The following KANK1 variants were observed in gnomAD, a reference collection of about 807,000 sequenced individuals.
KANK1 encodes the protein KN motif and ankyrin repeat domain-containing protein 1.
Under a neutral mutation model 106.2 loss-of-function variants are expected in KANK1, and 109 were observed. That is an observed-to-expected ratio of 1.03 (90% confidence interval 0.88 to 1.20). KANK1 has a LOEUF of 1.20. Ranked by LOEUF, KANK1 falls within the 50% of genes most tolerant of loss-of-function variation. The pLI, the probability that KANK1 is intolerant of heterozygous loss-of-function variation, is 0.00. For synonymous variants in KANK1, 873 were observed against 652.2 expected (o/e 1.34, Z -5.16); for missense variants, 2,399 against 1,710.7 (o/e 1.40, Z -7.10).
At chr9:496,291 C>T (rs748362183) in intron 3 of KANK1, among the ~76,000 whole-genome samples, 1 of 152,170 alleles carries the variant, frequency 6.6e-6, no homozygotes, top group Admixed American at 6.5e-5. Flanking sequence ...CAATGACTCA[C>T]GCATGTAATC....
chr9:544,221 A>T (rs967233560), intron 1 of KANK1, among the ~76,000 whole-genome samples: 1 of 151,768 alleles, frequency 6.6e-6, no homozygotes, highest in Non-Finnish European at 1.5e-5. Flanking sequence ...GGGTTTTGCC[A>T]TGTTGCCCAG....
Position 565,754 on chromosome 9 carries a change from C to G in KANK1, c.-84+61000C>G, listed in dbSNP as rs1817646308. Among the ~76,000 whole-genome samples the G allele has an allele frequency of 2.0e-5, 3 of 152,218 alleles. No homozygotes were observed. The South Asian group carries it at 6.2e-4, about 32-fold the overall frequency. On this transcript the variant is annotated intron_variant, in intron 1 of 11. Coordinates refer to ENST00000382297, the MANE Select transcript of KANK1 (RefSeq NM_015158.5). ...CAGTCTGAAAAGACATCTCAAAAGG[C>G]CAATCTTAGGTTCCGCAAGAGTGAT...
At chr9:549,874 C>G (rs1324800678) in intron 1 of KANK1, among the ~76,000 whole-genome samples, 2 of 152,010 alleles carry the variant, frequency 1.3e-5, no homozygotes, top group Non-Finnish European at 2.9e-5. Flanking sequence ...CCTCTAGCTT[C>G]CAGAGGGTAA....
At chr9:580,818 G>T (rs1480401343) in intron 1 of KANK1, among the ~76,000 whole-genome samples, 1 of 152,236 alleles carries the variant, frequency 6.6e-6, no homozygotes, top group Non-Finnish European at 1.5e-5. Context: ...CCGCGGAGCA[G>T]GGGGCGGTGC....
At chr9:745,062 G>T in intron 11 of KANK1, 111 bp from the exon 12 acceptor site, 3 of 1,531,870 alleles carry the variant, frequency 2.0e-6, no homozygotes, top group Non-Finnish European at 1.8e-6. Context: ...CTCCTGGCTC[G>T]GGCTCACAGC....
chr9:720,735 C>G (rs1829088567), intron 3 of KANK1, among the ~76,000 whole-genome samples: 1 of 152,218 alleles, frequency 6.6e-6, no homozygotes, highest in Non-Finnish European at 1.5e-5. Context: ...CAGCCTCAAA[C>G]CATCCTCCAG....
chr9:634,350 G>A (rs1404380666), intron 1 of KANK1, among the ~76,000 whole-genome samples: 5 of 152,146 alleles, frequency 3.3e-5, no homozygotes, highest in Admixed American at 3.3e-4. Flanking sequence ...GACTTCCTTG[G>A]TTGAGTTATG....
intron 1 of KANK1, among the ~76,000 whole-genome samples, chr9:552,964 G>A (rs771513742): frequency 6.6e-6 from 1 of 152,134 alleles, no homozygotes; most frequent in African/African-American, 2.4e-5. Flanking sequence ...GGGCAACATA[G>A]CGAGACCCCT....
In KANK1 at chr9:722,113, G is replaced by C. The variant is rs146794155; in HGVS notation, c.2699-7938G>C. ...CTGTCCTTGTTCATTCCTAGGCACA[G>C]GCCAAGCTAACTGTGGGTAGAATTT... On this transcript the variant is annotated intron_variant, in intron 3 of 11. Coordinates refer to ENST00000382297, the MANE Select transcript of KANK1 (RefSeq NM_015158.5). 9.8e-3 allele frequency among the ~76,000 whole-genome samples: 1,496 copies of C among 152,340 alleles called. 12 individuals are homozygous for C. The highest frequency in any genetic ancestry group is 0.02 in the Middle Eastern group (6 of 294).
At chr9:506,369 A>G (rs930931489) in intron 1 of KANK1, among the ~76,000 whole-genome samples, 1 of 152,222 alleles carries the variant, frequency 6.6e-6, no homozygotes, top group African/African-American at 2.4e-5. Flanking sequence ...AGGATGGAAG[A>G]GAAGCTGCCA....
At chr9:507,589 G>T (rs1350009398) in intron 1 of KANK1, among the ~76,000 whole-genome samples, 2 of 131,036 alleles carry the variant, frequency 1.5e-5, no homozygotes, top group Admixed American at 8.4e-5. Flanking sequence ...ATGGAGTCTC[G>T]ATCTGTTGCC....
rs751379930 is a variant in KANK1, at chr9:713,340, G to T, written c.2574G>T (p.Gln858His). Residue 858 changes from glutamine (Q) to histidine (H), a missense_variant, in exon 3 of 12, where the codon CAG (glutamine) becomes CAT (histidine). Coordinates refer to ENST00000382297, the MANE Select transcript of KANK1 (RefSeq NM_015158.5). Reference sequence around the variant, plus strand: ...AAGCTTTCGGGGAACCTCACTCACAGATGGGCTCCCTCAACTCTCAGCTCA... The same window carrying T: ...AAGCTTTCGGGGAACCTCACTCACATATGGGCTCCCTCAACTCTCAGCTCA... Reference protein sequence around the residue: ...LAEAFGEPHSQMGSLNSQLIS... With the variant: ...LAEAFGEPHSHMGSLNSQLIS... 6.2e-7 allele frequency: 1 copy of T among 1,614,174 alleles called. No homozygotes were observed. Among genetic ancestry groups the T allele is most frequent in the Non-Finnish European group, 8.5e-7 (1 of 1,180,026 alleles).
intron 1 of KANK1, among the ~76,000 whole-genome samples, chr9:531,842 T>C (rs73369096): frequency 6.6e-6 from 1 of 152,170 alleles, no homozygotes; most frequent in East Asian, 1.9e-4. Context: ...ATGTGGCTGC[T>C]TCTGTGTGTG....
chr9:731,266 G>T lies in KANK1; in HGVS notation c.3005G>T (p.Gly1002Val). 1 of 1,564,290 alleles carries T rather than the reference G, an allele frequency of 6.4e-7. No homozygotes were observed. The change falls in exon 5 of 12, where the codon GGG becomes GTG. Residue 1002 changes from glycine to valine, a missense_variant and splice_region_variant. Physicochemically the swap from Gly to Val is moderately radical, Grantham distance 109. Coordinates refer to ENST00000382297, the MANE Select transcript of KANK1 (RefSeq NM_015158.5). ...CTTCAGTTTGTTGGCATTAATGGAG[G>T]GTAAGGAAAGATGGTGGTTCTAGAG... Reference protein sequence around the residue: ...KNLQFVGINGGYETTSSDDSS... With the variant: ...KNLQFVGINGVYETTSSDDSS...
chr9:686,414 A>T (rs926544168), intron 2 of KANK1, among the ~76,000 whole-genome samples: 3 of 152,276 alleles, frequency 2.0e-5, no homozygotes, highest in South Asian at 4.1e-4. Flanking sequence ...TGCTGAGCTT[A>T]TGCAGCATGT....
At chr9:569,422 G>A (rs1036873180) in intron 1 of KANK1, among the ~76,000 whole-genome samples, 3 of 151,950 alleles carry the variant, frequency 2.0e-5, no homozygotes, top group African/African-American at 7.3e-5. Flanking sequence ...GGGGAGTAGG[G>A]CTGGTGGCTT....
intron 1 of KANK1, among the ~76,000 whole-genome samples, chr9:608,583 G>A (rs972841733): frequency 6.7e-6 from 1 of 149,286 alleles, no homozygotes; most frequent in African/African-American, 2.6e-5. Flanking sequence ...ACAAGAGTGG[G>A]CTCTCTCTCT....
intron 1 of KANK1, among the ~76,000 whole-genome samples, chr9:664,057 A>C (rs1183975309): frequency 7.9e-5 from 12 of 152,130 alleles, no homozygotes; most frequent in Admixed American, 3.9e-4. Flanking sequence ...AGGTAATTGA[A>C]TCATGGGGGC....
At chr9:582,476 A>G (rs576539820) in intron 1 of KANK1, among the ~76,000 whole-genome samples, 2 of 152,066 alleles carry the variant, frequency 1.3e-5, no homozygotes, top group South Asian at 2.1e-4. Context: ...AAACTCATCT[A>G]CCAGCCTCAC....
Sources: gnomAD v4.1 joint callset for allele counts (sites outside exome capture counted in the v4.1 genomes callset) on GRCh38, gnomAD v4.1.1 for gene constraint, MANE v1.5 for transcripts, NCBI Gene and HGNC (gene_info 2026-07-23, HGNC 2026-07-21) for gene names.